Variants in PRKACB observed in about 807,000 individuals in gnomAD.
The protein encoded by PRKACB is cAMP-dependent protein kinase catalytic subunit beta.
Under a neutral mutation model 51.4 loss-of-function variants are expected in PRKACB, and 16 were observed. The ratio of observed to expected loss-of-function variants is 0.31; its 90% confidence interval spans 0.21 to 0.47. The LOEUF is 0.47. Among genes scored for constraint, PRKACB ranks in the 20% least tolerant of loss-of-function variants. The pLI, the probability that PRKACB is intolerant of heterozygous loss-of-function variation, is 1.00. For synonymous variants in PRKACB, 147 were observed against 154.4 expected (o/e 0.95, Z 0.35); for missense variants, 309 against 464.5 (o/e 0.67, Z 3.08).
chr1:84,188,935 A>C (rs1665968359), intron 5 of PRKACB, among the ~76,000 whole-genome samples: 2 of 152,134 alleles, frequency 1.3e-5, no homozygotes, highest in South Asian at 4.1e-4. Context: ...TAATCAAAAG[A>C]CATCAGATGT....
At chr1:84,155,498 G>A (rs895540031) in intron 1 of PRKACB, among the ~76,000 whole-genome samples, 14 of 152,036 alleles carry the variant, frequency 9.2e-5, no homozygotes, top group South Asian at 6.2e-4. Flanking sequence ...GACAGGTTTC[G>A]CAAAAATAGG....
intron 1 of PRKACB, among the ~76,000 whole-genome samples, chr1:84,088,658 T>C (rs1185680365): frequency 6.6e-6 from 1 of 152,212 alleles, no homozygotes; most frequent in Non-Finnish European, 1.5e-5. Flanking sequence ...CACTTTAGGC[T>C]GTAGTCTTTA....
At chr1:84,173,148 A>G (rs538849257) in intron 1 of PRKACB, among the ~76,000 whole-genome samples, 2 of 151,868 alleles carry the variant, frequency 1.3e-5, no homozygotes, top group South Asian at 4.1e-4. Flanking sequence ...TGGTTAAAAA[A>G]AAAGGATATC....
intron 1 of PRKACB, among the ~76,000 whole-genome samples, chr1:84,112,225 C>CT (rs905575496): frequency 0.15 from 17,842 of 120,194 alleles, 1,574 homozygotes; most frequent in East Asian, 0.25. Context: ...TGGACTGCTT[C>CT]TTTTTTTTTT....
At chr1:84,199,085 A>G (rs1156283118) in intron 7 of PRKACB, among the ~76,000 whole-genome samples, 1 of 142,016 alleles carries the variant, frequency 7.0e-6, no homozygotes, top group African/African-American at 2.6e-5. Context: ...ATGTATATAT[A>G]TGCGTATATA....
intron 1 of PRKACB, among the ~76,000 whole-genome samples, chr1:84,161,523 G>A (rs1012472192): frequency 4.0e-5 from 6 of 151,550 alleles, no homozygotes; most frequent in African/African-American, 1.5e-4. Flanking sequence ...CATAGTTTTT[G>A]TTGTTCCTCT....
chr1:84,125,830 A>G, intron 1 of PRKACB, among the ~76,000 whole-genome samples: 1 of 152,194 alleles, frequency 6.6e-6, no homozygotes, highest in East Asian at 1.9e-4. Flanking sequence ...TCTAGTAAGC[A>G]TCTCAAATTT....
At chr1:84,156,227 G>T (rs1558038908) in intron 1 of PRKACB, among the ~76,000 whole-genome samples, 1 of 151,962 alleles carries the variant, frequency 6.6e-6, no homozygotes, top group Admixed American at 6.6e-5. Flanking sequence ...AACTCCTGGG[G>T]TCAAGCAATC....
chr1:84,202,623 G>T, intron 7 of PRKACB, 60 bp from the exon 8 acceptor site: 1 of 1,484,864 alleles, frequency 6.7e-7, no homozygotes, highest in South Asian at 1.4e-5. Context: ...AATTATCTTT[G>T]ACTTCATTCT....
intron 1 of PRKACB, among the ~76,000 whole-genome samples, chr1:84,132,620 C>T (rs1652352714): frequency 6.6e-6 from 1 of 151,810 alleles, no homozygotes; most frequent in African/African-American, 2.4e-5. Context: ...ATGTTAAGGG[C>T]CATAATGGAA....
At chr1:84,214,731 G>A (rs531238650) in intron 9 of PRKACB, among the ~76,000 whole-genome samples, 67 of 152,160 alleles carry the variant, frequency 4.4e-4, no homozygotes, top group African/African-American at 1.5e-3. Context: ...CTGACCTCAA[G>A]TGATCTGCCC....
intron 1 of PRKACB, among the ~76,000 whole-genome samples, chr1:84,082,561 A>C (rs1029470620): frequency 1.3e-5 from 2 of 151,990 alleles, no homozygotes; most frequent in Admixed American, 6.5e-5. Context: ...GTTGATAAAA[A>C]AAATTATTAT....
intron 9 of PRKACB, among the ~76,000 whole-genome samples, chr1:84,232,271 C>G (rs1448829322): frequency 6.6e-6 from 1 of 151,860 alleles, no homozygotes; most frequent in African/African-American, 2.4e-5. Flanking sequence ...TTTGATTGCA[C>G]TGTGGTCTGA....
intron 1 of PRKACB, among the ~76,000 whole-genome samples, chr1:84,124,226 T>C (rs952201990): frequency 2.0e-5 from 3 of 152,218 alleles, no homozygotes; most frequent in African/African-American, 7.2e-5. Flanking sequence ...GTCAGTACAG[T>C]AACGTGGGTG....
At chr1:84,150,618 A>G (rs547373677) in intron 1 of PRKACB, among the ~76,000 whole-genome samples, 15 of 152,280 alleles carry the variant, frequency 9.9e-5, no homozygotes, top group African/African-American at 3.4e-4. Context: ...TAAAACAAAC[A>G]TGGCACTTCC....
chr1:84,152,378 C>T (rs973126501), intron 1 of PRKACB, among the ~76,000 whole-genome samples: 1 of 152,084 alleles, frequency 6.6e-6, no homozygotes, highest in Admixed American at 6.6e-5. Context: ...TGTATTAGCC[C>T]CTAGCGAGAG....
intron 9 of PRKACB, among the ~76,000 whole-genome samples, chr1:84,218,103 T>C (rs1402644855): frequency 6.6e-6 from 1 of 152,254 alleles, no homozygotes; most frequent in African/African-American, 2.4e-5. Flanking sequence ...AAGCTGGGTA[T>C]TTAGCATATC....
At chr1:84,126,855 A>G (rs1651662301) in intron 1 of PRKACB, among the ~76,000 whole-genome samples, 1 of 152,174 alleles carries the variant, frequency 6.6e-6, no homozygotes, top group African/African-American at 2.4e-5. Context: ...TGTTTTTCAA[A>G]AATATATATG....
intron 2 of PRKACB, among the ~76,000 whole-genome samples, chr1:84,180,937 C>T (rs1003689346): frequency 1.3e-5 from 2 of 151,980 alleles, no homozygotes; most frequent in Non-Finnish European, 2.9e-5. Context: ...CTATGGTAAA[C>T]ATTTTAATCC....
Sources: allele counts gnomAD v4.1 joint callset (sites outside exome capture counted in the v4.1 genomes callset), GRCh38; gene constraint gnomAD v4.1.1; transcripts MANE v1.5; gene names NCBI Gene and HGNC (gene_info 2026-07-23, HGNC 2026-07-21).